Variants in ITGB6 observed in about 807,000 individuals in gnomAD.
The protein encoded by ITGB6 is integrin beta-6.
A neutral mutation model predicts 84.5 loss-of-function variants in ITGB6; 80 were observed. The observed-to-expected ratio is 0.95, with a 90% confidence interval of 0.79 to 1.14. The LOEUF (loss-of-function observed/expected upper bound fraction) is 1.14, where lower values mean the gene tolerates loss of function less well. Among genes scored for constraint, ITGB6 ranks in the 50% most tolerant of loss-of-function variants. The pLI is 0.00. For synonymous variants in ITGB6, 383 were observed against 354.9 expected (o/e 1.08, Z -0.89); for missense variants, 1,006 against 968.0 (o/e 1.04, Z -0.52).
At chr2:160,148,958 G>A (rs1351368791) in intron 7 of ITGB6, among the ~76,000 whole-genome samples, 1 of 152,222 alleles carries the variant, frequency 6.6e-6, no homozygotes, top group African/African-American at 2.4e-5. Context: ...GCTCAAATTG[G>A]GTGGAGCCCA....
At position 160,117,418 on chromosome 2, in the gene ITGB6, G is replaced by C. The variant is rs1387976666; in HGVS notation, c.1982-5219C>G. Among the ~76,000 whole-genome samples, 7 of 151,864 alleles carry C rather than the reference G, an allele frequency of 4.6e-5. No homozygotes were observed. In the East Asian group the frequency reaches 9.7e-4, roughly 21 times the overall value. On this transcript the variant is annotated intron_variant, in intron 12 of 14. Transcript: ENST00000283249. ...ACAACCTGCTCCTGAATGACTACTG[G>C]GTACATAACGAAATGAAGGCAGAAA...
At chr2:160,187,642 T>C (rs1392838896) in intron 4 of ITGB6, among the ~76,000 whole-genome samples, 1 of 152,164 alleles carries the variant, frequency 6.6e-6, no homozygotes, top group Non-Finnish European at 1.5e-5. Flanking sequence ...CTTAAAGAGA[T>C]TTCCGAATAT....
chr2:160,190,176 G>C (rs1306951506), intron 4 of ITGB6, among the ~76,000 whole-genome samples: 1 of 148,664 alleles, frequency 6.7e-6, no homozygotes. Context: ...GACACAGGAA[G>C]GGGAACATCA....
Position 160,140,923 on chromosome 2 carries a change from A to G in ITGB6, c.1107+1059T>C, listed in dbSNP as rs143131761. On this transcript the variant is annotated intron_variant, in intron 8 of 14. Coordinates refer to ENST00000283249, the MANE Select transcript of ITGB6 (RefSeq NM_000888.5). ...AATTTTTTTTCTTTCCAAAATATGTAGCTCTCATTTCCCCTGAAGTCCTTC... is the reference window on the plus strand; with the variant it reads ...AATTTTTTTTCTTTCCAAAATATGTGGCTCTCATTTCCCCTGAAGTCCTTC... Among the ~76,000 whole-genome samples the G allele has an allele frequency of 1.2e-3, 184 of 152,266 alleles. 1 individual carries two copies. The Middle Eastern group carries it at 0.054, about 45-fold the overall frequency.
Position 160,169,281 on chromosome 2 carries a change from A to G in ITGB6, c.948T>C (p.Ile316=). The G allele has an allele frequency of 6.3e-7, 1 of 1,599,948 alleles. No individual in the cohort carries two copies. Among genetic ancestry groups the G allele is most frequent in the Non-Finnish European group, 8.5e-7 (1 of 1,172,870 alleles). Residue 316 remains isoleucine (I), a synonymous_variant, in exon 7 of 15, where the codon ATT becomes ATC. Coordinates refer to ENST00000283249, the MANE Select transcript of ITGB6 (RefSeq NM_000888.5). ...ACACGTTGTTTTGTACCAGTTTATC[A>G]ATGAGTTGTCCAATTGTTGGATATT... ...VLEYPTIGQL[I]DKLVQNNVLL...
chr2:160,157,284 C>A (rs1684658755), intron 7 of ITGB6, among the ~76,000 whole-genome samples: 1 of 152,164 alleles, frequency 6.6e-6, no homozygotes, highest in Non-Finnish European at 1.5e-5. Flanking sequence ...GGCATTAGAT[C>A]TTTAACATAT....
chr2:160,101,645 C>T lies in ITGB6; in HGVS notation c.*91G>A, dbSNP rs545330664. The stretch of plus-strand genomic sequence containing the variant: ...ATGTCCTATTATTATCTTAAACCAA[C>T]CTCATTTTGAAGCAACAAAGAGAAA... On this transcript the variant is annotated 3_prime_UTR_variant, in exon 15 of 15. Coordinates refer to ENST00000283249, the MANE Select transcript of ITGB6 (RefSeq NM_000888.5). The T allele has an allele frequency of 2.6e-6, 2 of 770,200 alleles. No homozygotes were observed. The highest frequency in any genetic ancestry group is 4.1e-5 in the Admixed American group (2 of 49,086). The allele number at this position is 770,200 out of a possible 1,614,324, so 47.7% of individuals were successfully genotyped here.
chr2:160,199,749 A>G (rs1686483050), intron 1 of ITGB6, among the ~76,000 whole-genome samples: 1 of 152,232 alleles, frequency 6.6e-6, no homozygotes, highest in Non-Finnish European at 1.5e-5. Flanking sequence ...ACTAAGTTCC[A>G]TTGGGCAGTA....
intron 12 of ITGB6, 100 bp downstream of exon 12, chr2:160,123,691 A>G: frequency 1.3e-6 from 1 of 799,462 alleles, no homozygotes. Flanking sequence ...GGTACAAATA[A>G]GGTCAAGCTA....
rs1305560456 is a variant in ITGB6 at position 160,172,677 on chromosome 2, A to G, written c.813T>C (p.Asp271=). Residue 271 remains aspartate (D), a synonymous_variant, in exon 6 of 15, where the codon GAT becomes GAC. Coordinates refer to ENST00000283249, the MANE Select transcript of ITGB6 (RefSeq NM_000888.5). ...DSLHLLVFVS[D]ADSHFGMDSK... Reference sequence around the variant, plus strand: ...TGTCCATTCCAAAATGAGAATCAGCATCACTCACAAAGACCAGGAGGTGGA... The same window carrying G: ...TGTCCATTCCAAAATGAGAATCAGCGTCACTCACAAAGACCAGGAGGTGGA... 5 of 1,610,664 alleles carry G rather than the reference A, an allele frequency of 3.1e-6. No homozygotes were observed. The East Asian group carries it at 6.7e-5, about 22-fold the overall frequency.
At chr2:160,194,841 A>C (rs567175190) in intron 4 of ITGB6, among the ~76,000 whole-genome samples, 1 of 152,118 alleles carries the variant, frequency 6.6e-6, no homozygotes, top group Non-Finnish European at 1.5e-5. Flanking sequence ...GTGATTTACT[A>C]CTGAATTTAA....
At chr2:160,129,265 A>G (rs1225539656) in intron 10 of ITGB6, among the ~76,000 whole-genome samples, 2 of 152,130 alleles carry the variant, frequency 1.3e-5, no homozygotes, top group African/African-American at 2.4e-5. Flanking sequence ...GTTTAAAATA[A>G]TGGGCTTCTG....
At chr2:160,151,183 A>G (rs62175383) in intron 7 of ITGB6, among the ~76,000 whole-genome samples, 33,318 of 152,146 alleles carry the variant, frequency 0.22, 3,930 homozygotes, top group Admixed American at 0.34. Context: ...AAAATTGACC[A>G]CATAATTGGA....
chr2:160,182,567 C>G (rs1277102505), intron 4 of ITGB6, among the ~76,000 whole-genome samples: 1 of 152,212 alleles, frequency 6.6e-6, no homozygotes, highest in Non-Finnish European at 1.5e-5. Context: ...GGAGAACACT[C>G]TTCAGGATAT....
intron 10 of ITGB6, among the ~76,000 whole-genome samples, chr2:160,136,201 T>C (rs1231853638): frequency 1.3e-5 from 2 of 151,980 alleles, no homozygotes; most frequent in Non-Finnish European, 2.9e-5. Flanking sequence ...CTCAAACAAA[T>C]TTACAAGAAA....
chr2:160,110,677 C>G (rs1027652511), intron 13 of ITGB6, among the ~76,000 whole-genome samples: 1 of 152,194 alleles, frequency 6.6e-6, no homozygotes, highest in Admixed American at 6.5e-5. Context: ...TCACTCAGTT[C>G]TTTTTTTCAA....
At chr2:160,193,894 C>T (rs1039878927) in intron 4 of ITGB6, among the ~76,000 whole-genome samples, 7 of 152,310 alleles carry the variant, frequency 4.6e-5, no homozygotes, top group East Asian at 3.9e-4. Flanking sequence ...CGGTGGCTCA[C>T]GCATGTAATC....
chr2:160,195,691 A>T (rs1686309669), intron 3 of ITGB6, 76 bp from the exon 4 acceptor site: 1 of 1,540,406 alleles, frequency 6.5e-7, no homozygotes, highest in Non-Finnish European at 8.9e-7. Context: ...TCGCTGGGTC[A>T]GCTGGCTATT....
At chr2:160,120,202 A>G (rs1262022216) in intron 12 of ITGB6, among the ~76,000 whole-genome samples, 1 of 152,068 alleles carries the variant, frequency 6.6e-6, no homozygotes, top group Non-Finnish European at 1.5e-5. Context: ...ATGTTGCTAT[A>G]AAGACACATG....
Sources: gnomAD v4.1 joint callset for allele counts (sites outside exome capture counted in the v4.1 genomes callset) on GRCh38, gnomAD v4.1.1 for gene constraint, MANE v1.5 for transcripts, NCBI Gene and HGNC (gene_info 2026-07-23, HGNC 2026-07-21) for gene names.